Variants in CA10 observed in about 807,000 individuals in gnomAD.
CA10 encodes carbonic anhydrase-related protein 10.
CA10 carries 14 observed loss-of-function variants against 44.2 expected under a neutral mutation model. That is an observed-to-expected ratio of 0.32 (90% confidence interval 0.21 to 0.50). The LOEUF is 0.50. Ranked by LOEUF, CA10 falls within the 20% of genes least tolerant of loss-of-function variation. The probability of loss-of-function intolerance (pLI) is 0.99; values close to 1 mark genes in which losing one functional copy is unlikely to be tolerated. For missense variants in CA10, 350 were observed against 409.7 expected (o/e 0.85, Z 1.26); for synonymous variants, 159 against 141.6 (o/e 1.12, Z -0.87).
chr17:51,881,722 T>C (rs1389495123), intron 3 of CA10, among the ~76,000 whole-genome samples: 1 of 152,192 alleles, frequency 6.6e-6, no homozygotes, highest in Non-Finnish European at 1.5e-5. Flanking sequence ...AGGGCATTTT[T>C]CCCATATTAA....
rs1567815436 is a variant in CA10 at position 51,717,757 on chromosome 17, A to ATATG, written c.465+29875_465+29876insCATA. Among the ~76,000 whole-genome samples the ATATG allele has an allele frequency of 9.1e-4, 17 of 18,676 alleles. 4 individuals are homozygous for ATATG. Among genetic ancestry groups the ATATG allele is most frequent in the East Asian group, 2.6e-3 (1 of 382 alleles). The allele number at this position is 18,676 out of a possible 152,430, so 12.3% of individuals were successfully genotyped here. A position where few individuals can be genotyped will look rare whatever the true frequency, so the allele number is the denominator to read the frequency against. ...TATACGTATATATACATGTATATAT[A>ATATG]CGTATATATGTATACATATATGCAT... On this transcript the variant is annotated intron_variant, in intron 4 of 8. Transcript: ENST00000451037.
intron 2 of CA10, among the ~76,000 whole-genome samples, chr17:51,974,549 A>G (rs1984397364): frequency 6.6e-6 from 1 of 152,070 alleles, no homozygotes; most frequent in Non-Finnish European, 1.5e-5. Flanking sequence ...AGCTTCAATG[A>G]TCTGTGAGAC....
intron 3 of CA10, among the ~76,000 whole-genome samples, chr17:51,779,140 C>G (rs996276325): frequency 6.6e-6 from 1 of 151,980 alleles, no homozygotes; most frequent in African/African-American, 2.4e-5. Flanking sequence ...TGGGAGTTGG[C>G]AGGTTATAGG....
At chr17:51,816,249 A>C (rs1308008053) in intron 3 of CA10, among the ~76,000 whole-genome samples, 1 of 152,184 alleles carries the variant, frequency 6.6e-6, no homozygotes, top group Non-Finnish European at 1.5e-5. Context: ...ACAGGACTGC[A>C]TTATTTTTCA....
chr17:52,145,882 A>G (rs1241128238), intron 1 of CA10, among the ~76,000 whole-genome samples: 1 of 152,218 alleles, frequency 6.6e-6, no homozygotes, highest in Non-Finnish European at 1.5e-5. Flanking sequence ...CAATAATCAC[A>G]ATATTGAGAT....
At chr17:52,120,078 T>C (rs554931978) in intron 1 of CA10, among the ~76,000 whole-genome samples, 129 of 152,314 alleles carry the variant, frequency 8.5e-4, no homozygotes, top group Middle Eastern at 6.8e-3. Flanking sequence ...CCAAGGGAGC[T>C]AACCAAAGTC....
At chr17:51,958,075 C>T (rs1200239944) in intron 2 of CA10, among the ~76,000 whole-genome samples, 8 of 152,032 alleles carry the variant, frequency 5.3e-5, no homozygotes, top group South Asian at 2.1e-4. Context: ...TCATCTTTGT[C>T]GTGCCTTCAA....
chr17:51,715,600 A>T (rs1266929389), intron 4 of CA10, among the ~76,000 whole-genome samples: 1 of 152,196 alleles, frequency 6.6e-6, no homozygotes, highest in African/African-American at 2.4e-5. Flanking sequence ...TCTTTCGGTT[A>T]TTTTAAAATG....
intron 3 of CA10, among the ~76,000 whole-genome samples, chr17:51,930,572 T>G (rs1982614710): frequency 6.6e-6 from 1 of 152,032 alleles, no homozygotes. Flanking sequence ...TTTTTGTCTG[T>G]TTTTTTCCTC....
At chr17:52,123,275 T>C (rs938871505) in intron 1 of CA10, among the ~76,000 whole-genome samples, 10 of 151,974 alleles carry the variant, frequency 6.6e-5, no homozygotes, top group African/African-American at 2.2e-4. Flanking sequence ...CCTAGCTTTA[T>C]AAAACTGTAA....
At chr17:51,881,789 G>A (rs541165913) in intron 3 of CA10, among the ~76,000 whole-genome samples, 106 of 152,294 alleles carry the variant, frequency 7.0e-4, no homozygotes, top group African/African-American at 2.4e-3. Flanking sequence ...TGTGTGGGAG[G>A]TGGGTAGGAA....
intron 4 of CA10, among the ~76,000 whole-genome samples, chr17:51,693,516 C>T (rs1340983115): frequency 1.3e-5 from 2 of 152,042 alleles, no homozygotes; most frequent in Non-Finnish European, 2.9e-5. Flanking sequence ...TAGCAGTCCC[C>T]AGTGTTTGTG....
intron 2 of CA10, among the ~76,000 whole-genome samples, chr17:51,975,133 A>AT (rs1345051920): frequency 6.6e-6 from 1 of 152,180 alleles, no homozygotes; most frequent in Non-Finnish European, 1.5e-5. Context: ...GCATGGCAAA[A>AT]ATGTCAATAA....
rs912057295 is a variant in CA10, at chr17:51,630,588, G to A, written c.*996C>T. On this transcript the variant is annotated 3_prime_UTR_variant, in exon 9 of 9. Transcript: ENST00000451037. ...CACCTCATGTGAATGATTGAGCCAT[G>A]GAGTGGAATTAAAGTCATACTTGCT... is the stretch of plus-strand genomic sequence containing the variant. The A allele has an allele frequency of 2.0e-5, 3 of 152,624 alleles. No individual in the cohort carries two copies. The highest frequency in any genetic ancestry group is 2.0e-4 in the Admixed American group (3 of 15,276). 9.5% of individuals were successfully genotyped at this position (152,624 alleles called of 1,614,324 possible).
intron 6 of CA10, among the ~76,000 whole-genome samples, chr17:51,638,422 G>T (rs1458732836): frequency 6.6e-6 from 1 of 152,168 alleles, no homozygotes; most frequent in African/African-American, 2.4e-5. Context: ...AAAACACCAA[G>T]GAACGAGGAC....
chr17:51,728,965 A>T (rs1180584028), intron 4 of CA10, among the ~76,000 whole-genome samples: 1 of 152,164 alleles, frequency 6.6e-6, no homozygotes, highest in Non-Finnish European at 1.5e-5. Context: ...CCAAATAATA[A>T]GGAGTTGGCC....
chr17:51,771,780 G>A (rs1302489892), intron 3 of CA10, among the ~76,000 whole-genome samples: 1 of 152,200 alleles, frequency 6.6e-6, no homozygotes, highest in East Asian at 1.9e-4. Context: ...TGGGGCAGGA[G>A]GGGAGGAGAC....
At chr17:52,042,007 C>G (rs193195177) in intron 2 of CA10, among the ~76,000 whole-genome samples, 1 of 152,184 alleles carries the variant, frequency 6.6e-6, no homozygotes, top group African/African-American at 2.4e-5. Flanking sequence ...TCAATGGACA[C>G]TTAGATTGTT....
At chr17:51,875,827 C>T (rs1980045841) in intron 3 of CA10, among the ~76,000 whole-genome samples, 1 of 152,164 alleles carries the variant, frequency 6.6e-6, no homozygotes, top group South Asian at 2.1e-4. Context: ...CTTCACCACC[C>T]TCTGACACTT....
Sources: gnomAD v4.1 joint callset for allele counts (sites outside exome capture counted in the v4.1 genomes callset) on GRCh38, gnomAD v4.1.1 for gene constraint, MANE v1.5 for transcripts, NCBI Gene and HGNC (gene_info 2026-07-23, HGNC 2026-07-21) for gene names.